Variants in TMEM132E observed in about 807,000 individuals in gnomAD.
TMEM132E encodes transmembrane protein 132E.
In TMEM132E, 49 loss-of-function variants were observed where a neutral mutation model predicts 78.5. That is an observed-to-expected ratio of 0.62 (90% CI 0.50 to 0.79). The LOEUF (loss-of-function observed/expected upper bound fraction) is 0.79. Ranked by LOEUF, TMEM132E falls within the 30% of genes least tolerant of loss-of-function variation. The pLI is 0.00. For missense variants in TMEM132E, 1,403 were observed against 1,470.9 expected (o/e 0.95, Z 0.75); for synonymous variants, 715 against 670.6 (o/e 1.07, Z -1.02).
At chr17:34,609,541 G>A (rs184432130) in intron 1 of TMEM132E, among the ~76,000 whole-genome samples, 11 of 152,252 alleles carry the variant, frequency 7.2e-5, no homozygotes, top group African/African-American at 2.6e-4. Flanking sequence ...CAGCCCCATG[G>A]AACGGCAGCT....
intron 5 of TMEM132E, among the ~76,000 whole-genome samples, chr17:34,631,875 G>A (rs1193207265): frequency 6.6e-6 from 1 of 152,222 alleles, no homozygotes; most frequent in Non-Finnish European, 1.5e-5. Flanking sequence ...TGGGGTGCCA[G>A]GTGTGTGCGT....
intron 7 of TMEM132E, 89 bp downstream of exon 7, chr17:34,635,176 A>G: frequency 3.5e-6 from 5 of 1,413,604 alleles, no homozygotes; most frequent in Non-Finnish European, 1.9e-6. Context: ...CCTAACCCCA[A>G]CTGGCCCCCA....
intron 1 of TMEM132E, among the ~76,000 whole-genome samples, chr17:34,599,415 C>T (rs958404812): frequency 6.6e-6 from 1 of 152,156 alleles, no homozygotes; most frequent in African/African-American, 2.4e-5. Context: ...TGATGGTGGC[C>T]TTTGTGTTGG....
At chr17:34,628,925 G>C in intron 3 of TMEM132E, 87 bp from the exon 4 acceptor site, 1 of 1,468,484 alleles carries the variant, frequency 6.8e-7, no homozygotes, top group Non-Finnish European at 9.1e-7. Context: ...GCCGGGGAGG[G>C]GTGGGGTCCC....
chr17:34,581,227 C>G, intron 1 of TMEM132E, 84 bp downstream of exon 1: 1 of 1,251,066 alleles, frequency 8.0e-7, no homozygotes, highest in Middle Eastern at 2.1e-4. Flanking sequence ...AGAGGAGCAC[C>G]CACACCCCCT....
At chr17:34,621,284 G>A (rs2142075009) in intron 1 of TMEM132E, among the ~76,000 whole-genome samples, 1 of 152,282 alleles carries the variant, frequency 6.6e-6, no homozygotes, top group South Asian at 2.1e-4. Context: ...GTGTCAGCAG[G>A]ATTGATTTCT....
intron 3 of TMEM132E, 130 bp from the exon 4 acceptor site, chr17:34,628,882 T>A: frequency 7.2e-7 from 1 of 1,380,826 alleles, no homozygotes; most frequent in East Asian, 2.4e-5. Context: ...TCAGATGGGC[T>A]GGAGAAGGCC....
intron 1 of TMEM132E, among the ~76,000 whole-genome samples, chr17:34,588,006 G>A (rs1905737188): frequency 6.6e-6 from 1 of 152,196 alleles, no homozygotes; most frequent in Non-Finnish European, 1.5e-5. Flanking sequence ...CAGCCATGCG[G>A]GCCCTTATAC....
chr17:34,631,104 T>C (rs1452190005), intron 5 of TMEM132E, among the ~76,000 whole-genome samples: 1 of 152,204 alleles, frequency 6.6e-6, no homozygotes, highest in Non-Finnish European at 1.5e-5. Context: ...ATAATTCAGC[T>C]TGAAGGAAAG....
At position 34,626,480 on chromosome 17, in the gene TMEM132E, G is replaced by C; in HGVS notation, c.421G>C (p.Val141Leu). 6.2e-7 allele frequency: 1 copy of C among 1,612,480 alleles called. No homozygotes were observed. Among genetic ancestry groups the C allele is most frequent in the South Asian group, 1.1e-5 (1 of 91,036 alleles). The change falls in exon 2 of 9, where the codon GTG becomes CTG. Residue 141 changes from valine to leucine, a missense_variant. Transcript: ENST00000631683. ...VRSHVPASQPVVQVLFYVAGR... is the reference protein window; with the variant it reads ...VRSHVPASQPLVQVLFYVAGR... ...CTCGCACGTGCCCGCCTCGCAGCCC[G>C]TGGTCCAGGTGCTGTTCTACGTAGC... is the stretch of plus-strand genomic sequence containing the variant.
intron 1 of TMEM132E, among the ~76,000 whole-genome samples, chr17:34,603,167 C>T (rs2142061184): frequency 6.6e-6 from 1 of 152,284 alleles, no homozygotes; most frequent in Middle Eastern, 3.4e-3. Context: ...GGTTGCGAGA[C>T]AGTGATGCAC....
At chr17:34,616,326 G>C (rs2142071392) in intron 1 of TMEM132E, among the ~76,000 whole-genome samples, 1 of 152,170 alleles carries the variant, frequency 6.6e-6, no homozygotes, top group African/African-American at 2.4e-5. Context: ...GTGGATAACA[G>C]TACTGGGAAG....
intron 1 of TMEM132E, among the ~76,000 whole-genome samples, chr17:34,588,896 G>C (rs1279978623): frequency 3.9e-5 from 6 of 152,124 alleles, no homozygotes. Flanking sequence ...TGAGACTGCA[G>C]GTGTGCACCA....
At chr17:34,615,552 T>TGTGTGTGTGTG (rs57984755) in intron 1 of TMEM132E, among the ~76,000 whole-genome samples, 18 of 149,192 alleles carry the variant, frequency 1.2e-4, no homozygotes, top group East Asian at 1.2e-3. Context: ...TGTGTGTGTG[T>TGTGTGTGTGTG]TAGCACAACC....
At chr17:34,605,761 C>T (rs193143024) in intron 1 of TMEM132E, among the ~76,000 whole-genome samples, 23 of 152,300 alleles carry the variant, frequency 1.5e-4, no homozygotes, top group Non-Finnish European at 2.6e-4. Flanking sequence ...TTGCTTTAGG[C>T]TGGGTTCAGC....
chr17:34,610,464 A>C (rs572123450), intron 1 of TMEM132E, among the ~76,000 whole-genome samples: 2 of 152,364 alleles, frequency 1.3e-5, no homozygotes, highest in East Asian at 3.9e-4. Flanking sequence ...GTTGCAATGC[A>C]GAGAAAAAAT....
chr17:34,629,203 T>C lies in TMEM132E; in HGVS notation c.1337T>C (p.Met446Thr), dbSNP rs777600036. 3.7e-6 allele frequency: 6 copies of C among 1,613,798 alleles called. No homozygotes were observed. The highest frequency in any genetic ancestry group is 2.2e-5 in the East Asian group (1 of 44,852). Residue 446 changes from methionine (M) to threonine (T), a missense_variant and splice_region_variant, in exon 4 of 9, where the codon ATG becomes ACG. Physicochemically the swap from Met to Thr is moderately conservative, Grantham distance 81. This residue lies in a region of TMEM132E where 888 missense variants were observed against 952.8 expected (regional missense o/e 0.93). Coordinates refer to ENST00000631683, the MANE Select transcript of TMEM132E (RefSeq NM_001304438.2). ...RDVQAILPLAMDTEIINTAIL... is the reference protein window; with the variant it reads ...RDVQAILPLATDTEIINTAIL... ...GTGCAAGCCATCCTGCCCCTGGCCA[T>C]GGTGAGCAGGCAGGTGACCAGCCCA...
intron 1 of TMEM132E, among the ~76,000 whole-genome samples, chr17:34,615,771 G>C (rs527521753): frequency 6.6e-6 from 1 of 151,824 alleles, no homozygotes. Context: ...GAGGGGAGTC[G>C]GTCGCTGGGT....
At chr17:34,620,892 T>A (rs1906939217) in intron 1 of TMEM132E, among the ~76,000 whole-genome samples, 1 of 152,220 alleles carries the variant, frequency 6.6e-6, no homozygotes, top group Non-Finnish European at 1.5e-5. Flanking sequence ...TTGGGTCAGA[T>A]ACCCTCCTGC....
Sources: allele counts gnomAD v4.1 joint callset (sites outside exome capture counted in the v4.1 genomes callset), GRCh38; gene constraint gnomAD v4.1.1; regional missense constraint gnomAD v4.1.1; transcripts MANE v1.5; gene names NCBI Gene and HGNC (gene_info 2026-07-23, HGNC 2026-07-21).